Variants in ANKRD12 observed in about 807,000 individuals in gnomAD.
ANKRD12 encodes ankyrin repeat domain 12, also known as ankyrin repeat domain-containing protein 12.
A neutral mutation model predicts 183.4 loss-of-function variants in ANKRD12; 85 were observed. That is an observed-to-expected ratio of 0.46 (90% CI 0.39 to 0.56). The LOEUF (loss-of-function observed/expected upper bound fraction) is 0.56. ANKRD12 is among the 20% of genes least tolerant of loss of function. The probability of loss-of-function intolerance (pLI) is 0.00; values close to 1 mark genes in which losing one functional copy is unlikely to be tolerated. For synonymous variants in ANKRD12, 914 were observed against 800.2 expected (o/e 1.14, Z -2.40); for missense variants, 2,405 against 2,357.1 (o/e 1.02, Z -0.42).
At position 9,254,806 on chromosome 18, in the gene ANKRD12, A is replaced by G; in HGVS notation, c.1539A>G (p.Glu513=). ...TAAATACTGGACTAGATTGTTCAGA[A>G]AAGACCAGAGAGGAGGGGAACTTTA... ...LTVNTGLDCS[E]KTREEGNFRK... is the part of the protein sequence containing the mutation. Residue 513 remains glutamate, a synonymous_variant, in exon 9 of 13, where the codon GAA becomes GAG. Transcript: ENST00000262126. The G allele has an allele frequency of 6.7e-7, 1 of 1,486,186 alleles. No individual in the cohort carries two copies. 92.1% of individuals were successfully genotyped at this position (1,486,186 alleles called of 1,614,324 possible). A position where few individuals can be genotyped will look rare whatever the true frequency, so the allele number is the denominator to read the frequency against.
chr18:9,262,548 C>A (rs1001428957), intron 9 of ANKRD12, among the ~76,000 whole-genome samples: 2 of 152,074 alleles, frequency 1.3e-5, no homozygotes, highest in Non-Finnish European at 2.9e-5. Context: ...CAGCCTCAAA[C>A]TTCTGGACTC....
Position 9,255,142 on chromosome 18 carries a change from G to T in ANKRD12, c.1875G>T (p.Lys625Asn). Reference protein sequence around the residue: ...EFGEKSNAKIKDEDHSPTFEN... With the variant: ...EFGEKSNAKINDEDHSPTFEN... ...GTGAAAAATCAAATGCCAAAATAAA[G>T]GATGAAGATCATAGTCCAACATTTG... Residue 625 changes from lysine to asparagine, a missense_variant, in exon 9 of 13, where the codon AAG becomes AAT. Physicochemically the swap from Lys to Asn is moderately conservative, Grantham distance 94. Around this residue, in one of 7 missense-constraint regions of ANKRD12, gnomAD observed 1,983 missense variants for 1,725.9 expected, o/e 1.15. Transcript: ENST00000262126. The T allele has an allele frequency of 6.3e-7, 1 of 1,584,972 alleles. No homozygotes were observed. The highest frequency in any genetic ancestry group is 2.3e-5 in the East Asian group (1 of 44,002).
At chr18:9,177,078 T>C (rs2033330426) in intron 1 of ANKRD12, among the ~76,000 whole-genome samples, 1 of 152,188 alleles carries the variant, frequency 6.6e-6, no homozygotes, top group African/African-American at 2.4e-5. Context: ...AGCCATTGGA[T>C]AACAAAGTCT....
intron 5 of ANKRD12, among the ~76,000 whole-genome samples, chr18:9,210,803 C>G (rs1468673503): frequency 1.4e-5 from 2 of 147,146 alleles, no homozygotes; most frequent in African/African-American, 5.0e-5. Flanking sequence ...CCTTAGAGCT[C>G]TAATCGTGTC....
At chr18:9,245,545 A>G (rs991734869) in intron 8 of ANKRD12, among the ~76,000 whole-genome samples, 5 of 152,204 alleles carry the variant, frequency 3.3e-5, no homozygotes, top group African/African-American at 1.2e-4. Context: ...AACTATATTA[A>G]TAGTTTATAG....
rs545665689 is a variant in ANKRD12 at position 9,170,812 on chromosome 18, T to A, written c.-51-11570T>A. 2.6e-5 allele frequency among the ~76,000 whole-genome samples: 4 copies of A among 152,340 alleles called. No homozygotes were observed. In the East Asian group the frequency reaches 7.7e-4, roughly 29 times the overall value. ...TTTAGAGTTTCCAGTTTTTCTGCTC[T>A]GTTTTTTTCCCATCTTTGTGGTTTT... On this transcript the variant is annotated intron_variant, in intron 1 of 12. Transcript: ENST00000262126.
chr18:9,241,708 T>C (rs139916070), intron 8 of ANKRD12, among the ~76,000 whole-genome samples: 54 of 152,316 alleles, frequency 3.5e-4, no homozygotes, highest in African/African-American at 1.2e-3. Context: ...GTTTTCCTCC[T>C]CTGCTTTCTA....
chr18:9,211,437 C>T (rs1389123662), intron 5 of ANKRD12, 147 bp from the exon 6 acceptor site: 18 of 664,908 alleles, frequency 2.7e-5, no homozygotes, highest in South Asian at 2.7e-4. Context: ...GGGTCATTAA[C>T]GGATCATCCA....
chr18:9,275,786 A>G lies in ANKRD12; in HGVS notation c.5907+119A>G, dbSNP rs1276525878. On this transcript the variant is annotated intron_variant, in intron 11 of 12. Coordinates refer to ENST00000262126, the MANE Select transcript of ANKRD12 (RefSeq NM_015208.5). ...CAACAATCATTAAAGGTCAAAGAAG[A>G]AAAAAAACTCTTTCAAGCCAGAGTA... 2.9e-6 allele frequency: 3 copies of G among 1,034,982 alleles called. No individual in the cohort carries two copies. In the South Asian group the frequency reaches 7.1e-5, roughly 24 times the overall value. The allele number at this position is 1,034,982 out of a possible 1,614,324, so 64.1% of individuals were successfully genotyped here.
At chr18:9,279,690 TAAAAA>T in intron 12 of ANKRD12, 46 bp downstream of exon 12, 1 of 824,058 alleles carries the variant, frequency 1.2e-6, no homozygotes, top group Non-Finnish European at 1.8e-6. Flanking sequence ...TCCCCCTTCT[TAAAAA>T]AAAAAAAAAC....
At chr18:9,203,664 G>T (rs2035312766) in intron 3 of ANKRD12, among the ~76,000 whole-genome samples, 1 of 151,998 alleles carries the variant, frequency 6.6e-6, no homozygotes, top group Non-Finnish European at 1.5e-5. Flanking sequence ...GAGTACAATG[G>T]CATGATCTCA....
chr18:9,257,279 G>C lies in ANKRD12; in HGVS notation c.4012G>C (p.Val1338Leu), dbSNP rs373743530. The part of the protein sequence containing the change: ...EESNQGSLLT[V>L]PGDTSPSPKP... ...GAGCAATCAAGGTAGCTTATTAACT[G>C]TGCCAGGAGATACTAGTCCTTCTCC... is the stretch of plus-strand genomic sequence containing the variant. Residue 1338 changes from valine (V) to leucine (L), a missense_variant, in exon 9 of 13, where the codon GTG becomes CTG. Val to Leu is a conservative substitution (Grantham distance 32). Transcript: ENST00000262126. The C allele has an allele frequency of 4.8e-5, 78 of 1,614,012 alleles. No homozygotes were observed. The highest frequency in any genetic ancestry group is 6.3e-5 in the Non-Finnish European group (74 of 1,180,002).
At chr18:9,268,578 A>G (rs1302749684) in intron 10 of ANKRD12, among the ~76,000 whole-genome samples, 1 of 152,238 alleles carries the variant, frequency 6.6e-6, no homozygotes, top group African/African-American at 2.4e-5. Flanking sequence ...ACAACCCTTC[A>G]TGCTAAAAAC....
intron 1 of ANKRD12, among the ~76,000 whole-genome samples, chr18:9,156,201 C>T (rs1209722635): frequency 4.0e-5 from 6 of 150,366 alleles, no homozygotes. Flanking sequence ...AAGGCTTTCT[C>T]TATCCAAGGA....
intron 2 of ANKRD12, among the ~76,000 whole-genome samples, chr18:9,190,360 T>C (rs771676432): frequency 2.6e-5 from 4 of 152,222 alleles, no homozygotes; most frequent in Non-Finnish European, 5.9e-5. Flanking sequence ...AGCTCATCTT[T>C]CTTATGGATG....
In ANKRD12 at chr18:9,258,498, C is replaced by G. The variant is rs2038775514; in HGVS notation, c.5231C>G (p.Ala1744Gly). 1.2e-6 allele frequency: 2 copies of G among 1,613,514 alleles called. No homozygotes were observed. Among genetic ancestry groups the G allele is most frequent in the Admixed American group, 1.7e-5 (1 of 59,882 alleles). ...RMTRNKANTMANQSKQILASC... is the reference protein window; with the variant it reads ...RMTRNKANTMGNQSKQILASC... ...ACTAGAAACAAAGCAAATACAATGG[C>G]AAATCAAAGCAAACAGATTCTTGCT... Residue 1744 changes from alanine (A) to glycine (G), a missense_variant, in exon 9 of 13, where the codon GCA (alanine) becomes GGA (glycine). This residue lies in a region of ANKRD12 where 1,983 missense variants were observed against 1,725.9 expected (regional missense o/e 1.15). Coordinates refer to ENST00000262126, the MANE Select transcript of ANKRD12 (RefSeq NM_015208.5).
chr18:9,165,096 A>G (rs915907212), intron 1 of ANKRD12, among the ~76,000 whole-genome samples: 1 of 152,162 alleles, frequency 6.6e-6, no homozygotes, highest in East Asian at 1.9e-4. Context: ...TTGGTTGCAT[A>G]TGTACTTAGG....
chr18:9,179,936 A>C (rs2033577594), intron 1 of ANKRD12, among the ~76,000 whole-genome samples: 1 of 152,240 alleles, frequency 6.6e-6, no homozygotes, highest in African/African-American at 2.4e-5. Flanking sequence ...GTGCTCTTGA[A>C]AGAGTATTCT....
At chr18:9,165,302 T>C (rs2031914908) in intron 1 of ANKRD12, among the ~76,000 whole-genome samples, 1 of 152,180 alleles carries the variant, frequency 6.6e-6, no homozygotes, top group Non-Finnish European at 1.5e-5. Flanking sequence ...GCATGTGAAA[T>C]GGATTTCTTT....
Sources: allele counts gnomAD v4.1 joint callset (sites outside exome capture counted in the v4.1 genomes callset), GRCh38; gene constraint gnomAD v4.1.1; regional missense constraint gnomAD v4.1.1; transcripts MANE v1.5; gene names NCBI Gene and HGNC (gene_info 2026-07-23, HGNC 2026-07-21).